The following RBM39 variants were observed in gnomAD, a reference collection of about 807,000 sequenced individuals.
RBM39 encodes the protein RNA-binding protein 39.
A neutral mutation model predicts 79.6 loss-of-function variants in RBM39; 12 were observed. That is an observed-to-expected ratio of 0.15 (90% CI 0.10 to 0.24). The LOEUF is 0.24. RBM39 is among the 10% of genes least tolerant of loss of function. RBM39 has a pLI of 1.00. For missense variants in RBM39, 243 were observed against 653.4 expected, an observed-to-expected ratio of 0.37 and a Z score of 6.85; for synonymous variants, 185 against 208.4, an observed-to-expected ratio of 0.89 and a Z score of 0.97.
intron 14 of RBM39, among the ~76,000 whole-genome samples, chr20:35,706,099 G>A (rs1276218510): frequency 6.6e-6 from 1 of 152,156 alleles, no homozygotes; most frequent in Non-Finnish European, 1.5e-5. Flanking sequence ...AGCACTTTCG[G>A]ATGCTGAAGC....
chr20:35,736,865 A>T (rs1211773464), intron 3 of RBM39, among the ~76,000 whole-genome samples: 1 of 148,232 alleles, frequency 6.7e-6, no homozygotes, highest in African/African-American at 2.5e-5. Context: ...GTTGGCCAGG[A>T]TGGTCTCGAT....
intron 6 of RBM39, among the ~76,000 whole-genome samples, chr20:35,729,076 AAAAT>A (rs11470400): frequency 0.96 from 144,844 of 150,118 alleles, 70,063 homozygotes; most frequent in Non-Finnish European, 1. Flanking sequence ...ACTCCGTCTC[AAAAT>A]AAATAAATAA....
intron 3 of RBM39, chr20:35,734,798 C>T (rs2039734448): frequency 4.4e-6 from 6 of 1,369,596 alleles, no homozygotes; most frequent in Non-Finnish European, 5.7e-6. Context: ...TACAAGGGTG[C>T]AAGAAACCAG....
intron 3 of RBM39, chr20:35,734,166 TAGAA>T: frequency 7.8e-7 from 1 of 1,282,568 alleles, no homozygotes; most frequent in Non-Finnish European, 1.0e-6. Context: ...GCATTGAAAA[TAGAA>T]AATGAAGACA....
At chr20:35,727,171 C>A (rs890148540) in intron 6 of RBM39, among the ~76,000 whole-genome samples, 4 of 148,024 alleles carry the variant, frequency 2.7e-5, no homozygotes, top group African/African-American at 5.1e-5. Flanking sequence ...CATGGCAAAA[C>A]CTTGTCTCTA....
chr20:35,701,941 A>G lies in RBM39; in HGVS notation c.*2540T>C, dbSNP rs564827770. 7.8e-4 allele frequency: 116 copies of G among 148,862 alleles called. No homozygotes were observed. Among genetic ancestry groups the G allele is most frequent in the African/African-American group, 2.8e-3 (108 of 38,976 alleles). The allele number at this position is 148,862 out of a possible 1,614,324, so 9.2% of individuals were successfully genotyped here. On this transcript the variant is annotated 3_prime_UTR_variant, in exon 17 of 17. Transcript: ENST00000253363. ...CCTAGTGGCTTTATCAGAAAAAGCA[A>G]AACAGTTCATCCACTGTAAAAAAAA...
chr20:35,731,872 C>A, intron 4 of RBM39, 69 bp downstream of exon 4: 1 of 1,347,056 alleles, frequency 7.4e-7, no homozygotes, highest in South Asian at 1.2e-5. Context: ...TCAAATCACT[C>A]AAGTTAAACT....
chr20:35,728,240 G>T (rs977545911), intron 6 of RBM39, among the ~76,000 whole-genome samples: 3 of 152,060 alleles, frequency 2.0e-5, no homozygotes, highest in African/African-American at 7.2e-5. Context: ...TTCTCCACGA[G>T]GCTATTTCAA....
chr20:35,714,659 T>C (rs2036879123), intron 10 of RBM39, among the ~76,000 whole-genome samples: 1 of 152,058 alleles, frequency 6.6e-6, no homozygotes, highest in South Asian at 2.1e-4. Flanking sequence ...GGTTAGAAAA[T>C]GTGAAAACTG....
intron 12 of RBM39, among the ~76,000 whole-genome samples, chr20:35,711,401 G>A (rs913030822): frequency 2.0e-5 from 3 of 152,080 alleles, no homozygotes; most frequent in Admixed American, 6.5e-5. Context: ...GTAAAGGATC[G>A]AATAGCTAAC....
At chr20:35,716,259 A>C (rs894013423) in intron 10 of RBM39, among the ~76,000 whole-genome samples, 2 of 152,108 alleles carry the variant, frequency 1.3e-5, no homozygotes, top group Non-Finnish European at 1.5e-5. Flanking sequence ...TTTTTACTAG[A>C]GACGGGGTTT....
At chr20:35,736,003 T>A (rs973836586) in intron 3 of RBM39, among the ~76,000 whole-genome samples, 1 of 152,184 alleles carries the variant, frequency 6.6e-6, no homozygotes, top group Non-Finnish European at 1.5e-5. Context: ...ATGACCTTAG[T>A]GGCAAAAAGC....
chr20:35,724,087 T>C (rs1278559946), intron 8 of RBM39, among the ~76,000 whole-genome samples: 1 of 151,778 alleles, frequency 6.6e-6, no homozygotes, highest in African/African-American at 2.4e-5. Flanking sequence ...ATCTCAGCAC[T>C]TTGGAAGGCT....
chr20:35,729,149 T>C (rs2146667866), intron 6 of RBM39, among the ~76,000 whole-genome samples, 163 bp downstream of exon 6: 1 of 152,284 alleles, frequency 6.6e-6, no homozygotes, highest in East Asian at 1.9e-4. Context: ...TGAAAACTAC[T>C]GAAAACTCAG....
chr20:35,713,127 A>G (rs1008289147), intron 11 of RBM39, 31 bp from the exon 12 acceptor site: 8 of 1,580,844 alleles, frequency 5.1e-6, no homozygotes, highest in Admixed American at 3.6e-5. Context: ...AGTTCCTACT[A>G]TGTTGAGAGC....
intron 4 of RBM39, 122 bp downstream of exon 4, chr20:35,731,818 TC>T: frequency 1.1e-6 from 1 of 934,530 alleles, no homozygotes; most frequent in Non-Finnish European, 1.7e-6. Context: ...TATCCTTAAT[TC>T]AATACTTTTT....
intron 9 of RBM39, among the ~76,000 whole-genome samples, chr20:35,718,552 C>CT (rs1229439201): frequency 1.3e-5 from 2 of 151,954 alleles, no homozygotes; most frequent in Non-Finnish European, 1.5e-5. Context: ...TGACTCATGC[C>CT]TGTAATCCCA....
chr20:35,732,239 T>C (rs2039448254), intron 3 of RBM39, 104 bp from the exon 4 acceptor site: 3 of 1,115,858 alleles, frequency 2.7e-6, no homozygotes, highest in Non-Finnish European at 4.0e-6. Flanking sequence ...ATAAATTTCT[T>C]TGGCTAGTTT....
Position 35,703,012 on chromosome 20 carries a change from A to G in RBM39, c.*1469T>C, listed in dbSNP as rs970658734. On this transcript the variant is annotated 3_prime_UTR_variant, in exon 17 of 17. Transcript: ENST00000253363. ...CAAAACGACTGATATGAAATTCTGA[A>G]TAAGCCTGTAAAACTTGTGCTTCAA... The G allele has an allele frequency of 3.9e-5, 6 of 152,186 alleles. No homozygotes were observed. The highest frequency in any genetic ancestry group is 2.1e-4 in the South Asian group (1 of 4,836). The allele number at this position is 152,186 out of a possible 1,614,324, so 9.4% of individuals were successfully genotyped here.
Sources: allele counts gnomAD v4.1 joint callset (sites outside exome capture counted in the v4.1 genomes callset), GRCh38; gene constraint gnomAD v4.1.1; transcripts MANE v1.5; gene names NCBI Gene and HGNC (gene_info 2026-07-23, HGNC 2026-07-21).